The following COL27A1 variants were observed in gnomAD, a reference collection of about 807,000 sequenced individuals.
COL27A1 encodes the protein collagen type XXVII alpha 1 chain.
COL27A1 carries 106 observed loss-of-function variants against 251.3 expected under a neutral mutation model. The ratio of observed to expected loss-of-function variants is 0.42; its 90% confidence interval spans 0.36 to 0.50. The LOEUF (loss-of-function observed/expected upper bound fraction) is 0.50, where lower values mean the gene tolerates loss of function less well. Among genes scored for constraint, COL27A1 ranks in the 20% least tolerant of loss-of-function variants. The pLI, the probability that COL27A1 is intolerant of heterozygous loss-of-function variation, is 0.00. For missense variants in COL27A1, 2,325 were observed against 2,522.8 expected (o/e 0.92, Z 1.68); for synonymous variants, 1,000 against 986.3 (o/e 1.01, Z -0.26).
chr9:114,220,231 T>C (rs1830989929), intron 13 of COL27A1, among the ~76,000 whole-genome samples: 1 of 152,130 alleles, frequency 6.6e-6, no homozygotes, highest in Non-Finnish European at 1.5e-5. Flanking sequence ...CAGGCCGTGT[T>C]TGGAGAAAAG....
intron 7 of COL27A1, among the ~76,000 whole-genome samples, chr9:114,199,872 A>T (rs940294227): frequency 1.7e-4 from 26 of 152,148 alleles, no homozygotes; most frequent in Admixed American, 6.5e-5. Flanking sequence ...CCAAGTCCTG[A>T]CACAGCCCCT....
chr9:114,179,109 C>G (rs1449305604), intron 4 of COL27A1, among the ~76,000 whole-genome samples: 12 of 152,222 alleles, frequency 7.9e-5, no homozygotes, highest in African/African-American at 2.4e-5. Flanking sequence ...GCATCTGTGC[C>G]CAGGCTGAAT....
At chr9:114,220,786 G>A (rs1016861588) in intron 13 of COL27A1, among the ~76,000 whole-genome samples, 4 of 152,096 alleles carry the variant, frequency 2.6e-5, no homozygotes, top group Non-Finnish European at 5.9e-5. Context: ...TTGAGGCCAG[G>A]AGTTCAAGAC....
chr9:114,237,056 A>AC (rs763197829), intron 18 of COL27A1, 22 bp downstream of exon 18: 1 of 1,580,988 alleles, frequency 6.3e-7, no homozygotes, highest in Admixed American at 1.8e-5. Flanking sequence ...CTCCTCCAGC[A>AC]CCCCCAAACC....
chr9:114,259,421 T>C (rs1834161403), intron 28 of COL27A1, among the ~76,000 whole-genome samples: 1 of 152,204 alleles, frequency 6.6e-6, no homozygotes, highest in Non-Finnish European at 1.5e-5. Context: ...TCCTCAACAC[T>C]ACCCTGTCAT....
intron 8 of COL27A1, 67 bp from the exon 9 acceptor site, chr9:114,205,692 G>C: frequency 2.8e-6 from 4 of 1,414,974 alleles, no homozygotes; most frequent in Non-Finnish European, 4.0e-6. Flanking sequence ...CAGTCTCCCA[G>C]GGTCCCCCAG....
chr9:114,264,212 G>A, intron 28 of COL27A1, 143 bp from the exon 29 acceptor site: 1 of 578,236 alleles, frequency 1.7e-6, no homozygotes, highest in Admixed American at 3.3e-5. Flanking sequence ...ACCTCAGTGG[G>A]GAGTGTGTGG....
At chr9:114,162,058 C>G (rs1848532682) in intron 1 of COL27A1, among the ~76,000 whole-genome samples, 1 of 152,208 alleles carries the variant, frequency 6.6e-6, no homozygotes. Flanking sequence ...GTGACAAGGC[C>G]AGGTTTGCAC....
chr9:114,205,404 G>C (rs563092847), intron 8 of COL27A1, among the ~76,000 whole-genome samples: 1 of 152,378 alleles, frequency 6.6e-6, no homozygotes, highest in African/African-American at 2.4e-5. Context: ...GCCATGAATA[G>C]CTGGCCTGTT....
At chr9:114,163,627 G>A (rs566732622) in intron 2 of COL27A1, among the ~76,000 whole-genome samples, 21 of 152,148 alleles carry the variant, frequency 1.4e-4, no homozygotes, top group South Asian at 2.1e-4. Flanking sequence ...CCCTTCCCCC[G>A]CCTTCACGCC....
intron 37 of COL27A1, among the ~76,000 whole-genome samples, chr9:114,281,552 A>C (rs1456174339): frequency 6.6e-6 from 1 of 152,196 alleles, no homozygotes; most frequent in Non-Finnish European, 1.5e-5. Context: ...ACAATTCCCT[A>C]CTGTGAGGAG....
chr9:114,196,338 G>C (rs910385921), intron 7 of COL27A1, among the ~76,000 whole-genome samples: 2 of 152,222 alleles, frequency 1.3e-5, no homozygotes, highest in Non-Finnish European at 2.9e-5. Flanking sequence ...GGAGTAACCT[G>C]TGCTGGCCCT....
At chr9:114,165,734 G>T (rs532907733) in intron 2 of COL27A1, among the ~76,000 whole-genome samples, 1 of 118,352 alleles carries the variant, frequency 8.4e-6, no homozygotes, top group Non-Finnish European at 1.7e-5. Context: ...CTATTCATTC[G>T]TCCATTATAC....
Position 114,167,807 on chromosome 9 carries a change from T to A in COL27A1, c.252T>A (p.Ala84=), listed in dbSNP as rs774343750. ...TTACGCAGCGGGCCCGGCTCCAGGC[T>A]CCCACGGGCACCGTCATTCCTGCCG... ...FIFTQRARLQ[A]PTGTVIPAAL... The change falls in exon 3 of 61, where the codon GCT becomes GCA. Residue 84 remains alanine, a synonymous_variant. Transcript: ENST00000356083. 1 of 1,613,378 alleles carries A rather than the reference T, an allele frequency of 6.2e-7. No individual in the cohort carries two copies. Among genetic ancestry groups the A allele is most frequent in the Non-Finnish European group, 8.5e-7 (1 of 1,179,940 alleles).
chr9:114,300,795 C>A, intron 51 of COL27A1, 108 bp downstream of exon 51: 2 of 948,888 alleles, frequency 2.1e-6, no homozygotes, highest in Non-Finnish European at 3.0e-6. Flanking sequence ...GACTCATGAG[C>A]CCTTTCTGCC....
intron 5 of COL27A1, among the ~76,000 whole-genome samples, chr9:114,188,685 G>A (rs1432653426): frequency 1.3e-5 from 2 of 152,108 alleles, no homozygotes; most frequent in African/African-American, 4.8e-5. Flanking sequence ...TTGCACATGA[G>A]AGACATATAA....
intron 19 of COL27A1, among the ~76,000 whole-genome samples, chr9:114,238,282 G>A (rs926042934): frequency 3.9e-5 from 6 of 152,252 alleles, no homozygotes; most frequent in Non-Finnish European, 7.3e-5. Context: ...GGCTACACCT[G>A]AATGATCAAC....
intron 14 of COL27A1, among the ~76,000 whole-genome samples, chr9:114,224,788 G>GA (rs1831356960): frequency 6.6e-6 from 1 of 151,780 alleles, no homozygotes; most frequent in South Asian, 2.1e-4. Flanking sequence ...AAGTAGCTGG[G>GA]ACAACAGGTG....
intron 21 of COL27A1, among the ~76,000 whole-genome samples, chr9:114,240,833 C>T (rs1832708266): frequency 6.6e-6 from 1 of 152,160 alleles, no homozygotes; most frequent in South Asian, 2.1e-4. Flanking sequence ...AGTGTCAGCC[C>T]CATTTTACAG....
Sources: gnomAD v4.1 joint callset for allele counts (sites outside exome capture counted in the v4.1 genomes callset) on GRCh38, gnomAD v4.1.1 for gene constraint, MANE v1.5 for transcripts, NCBI Gene and HGNC (gene_info 2026-07-23, HGNC 2026-07-21) for gene names.